ARHGAP8: variants seen among roughly 807,000 people sequenced by gnomAD.
The protein encoded by ARHGAP8 is rho GTPase-activating protein 8.
Under a neutral mutation model 46.1 loss-of-function variants are expected in ARHGAP8, and 62 were observed. That is an observed-to-expected ratio of 1.34 (90% CI 1.10 to 1.66). The LOEUF (loss-of-function observed/expected upper bound fraction) is 1.66, where lower values mean the gene tolerates loss of function less well. Ranked by LOEUF, ARHGAP8 falls within the 40% of genes most tolerant of loss-of-function variation. The pLI, the probability that ARHGAP8 is intolerant of heterozygous loss-of-function variation, is 0.00. For synonymous variants in ARHGAP8, 375 were observed against 243.1 expected (o/e 1.54, Z -5.05); for missense variants, 923 against 568.4 (o/e 1.62, Z -6.34).
At chr22:44,818,254 G>A (rs1929887773) in intron 5 of ARHGAP8, among the ~76,000 whole-genome samples, 1 of 152,074 alleles carries the variant, frequency 6.6e-6, no homozygotes, top group Non-Finnish European at 1.5e-5. Context: ...TTCGTGACAA[G>A]CCTGACCAAC....
intron 10 of ARHGAP8, among the ~76,000 whole-genome samples, chr22:44,851,225 C>T (rs1364352952): frequency 5.3e-5 from 8 of 152,248 alleles, no homozygotes; most frequent in African/African-American, 1.9e-4. Context: ...AGAGCGTAGT[C>T]ATATTAAGCA....
At chr22:44,846,691 C>T (rs1397310519) in intron 8 of ARHGAP8, among the ~76,000 whole-genome samples, 1 of 152,192 alleles carries the variant, frequency 6.6e-6, no homozygotes, top group Non-Finnish European at 1.5e-5. Flanking sequence ...GAACTGCCTT[C>T]TTCACGCCTC....
At chr22:44,804,796 A>G (rs368870820) in intron 3 of ARHGAP8, among the ~76,000 whole-genome samples, 14 of 151,926 alleles carry the variant, frequency 9.2e-5, no homozygotes, top group African/African-American at 2.4e-4. Flanking sequence ...AGTCCCCCCA[A>G]TATATGCATT....
At chr22:44,782,393 G>C (rs1480263462) in intron 1 of ARHGAP8, among the ~76,000 whole-genome samples, 1 of 152,110 alleles carries the variant, frequency 6.6e-6, no homozygotes, top group African/African-American at 2.4e-5. Context: ...ACACAATTCA[G>C]GGCTGTCGAG....
At chr22:44,858,679 G>A (rs2070318419) in intron 10 of ARHGAP8, among the ~76,000 whole-genome samples, 1 of 151,302 alleles carries the variant, frequency 6.6e-6, no homozygotes, top group Admixed American at 6.6e-5. Flanking sequence ...CTGGTTGGTG[G>A]GTTTTGACTG....
intron 7 of ARHGAP8, among the ~76,000 whole-genome samples, chr22:44,836,089 C>T (rs924291088): frequency 3.9e-5 from 6 of 152,148 alleles, no homozygotes; most frequent in Non-Finnish European, 8.8e-5. Flanking sequence ...GTTTCTCATT[C>T]CCCATCTGCC....
At chr22:44,858,634 G>T (rs550234647) in intron 10 of ARHGAP8, among the ~76,000 whole-genome samples, 2 of 146,066 alleles carry the variant, frequency 1.4e-5, no homozygotes, top group African/African-American at 5.1e-5. Context: ...GCCTCCCAAA[G>T]TGTTGGGATT....
At chr22:44,815,493 C>T (rs895752874) in intron 5 of ARHGAP8, among the ~76,000 whole-genome samples, 3 of 152,114 alleles carry the variant, frequency 2.0e-5, no homozygotes, top group Admixed American at 6.5e-5. Flanking sequence ...CAGGCCGACT[C>T]TCCCAGGAGC....
chr22:44,782,292 G>T (rs1055324419), intron 1 of ARHGAP8, among the ~76,000 whole-genome samples: 2 of 152,236 alleles, frequency 1.3e-5, no homozygotes, highest in East Asian at 3.9e-4. Context: ...AGCCAAGATC[G>T]CACCAGTGCA....
chr22:44,786,461 G>A lies in ARHGAP8; in HGVS notation c.-67G>A, dbSNP rs1010549909. Reference sequence around the variant, plus strand: ...CTTTAATCTTCTTTGCCGCAGAGCTGCAGAGAGACAAGGCGGCGGCGGCTG... The same window carrying A: ...CTTTAATCTTCTTTGCCGCAGAGCTACAGAGAGACAAGGCGGCGGCGGCTG... On this transcript the variant is annotated 5_prime_UTR_variant, in exon 2 of 12. Transcript: ENST00000356099. 2 of 1,600,692 alleles carry A rather than the reference G, an allele frequency of 1.2e-6. No homozygotes were observed. The highest frequency in any genetic ancestry group is 1.7e-6 in the Non-Finnish European group (2 of 1,173,924).
chr22:44,797,963 G>A (rs895261519), intron 2 of ARHGAP8, among the ~76,000 whole-genome samples: 7 of 150,014 alleles, frequency 4.7e-5, no homozygotes, highest in Non-Finnish European at 8.9e-5. Flanking sequence ...GTGAGCCACC[G>A]CACCTGGCCA....
At chr22:44,781,837 T>C (rs1926869717) in intron 1 of ARHGAP8, among the ~76,000 whole-genome samples, 1 of 152,026 alleles carries the variant, frequency 6.6e-6, no homozygotes, top group African/African-American at 2.4e-5. Flanking sequence ...TTTTATTTAT[T>C]TTTATTTTAT....
intron 1 of ARHGAP8, among the ~76,000 whole-genome samples, chr22:44,767,223 C>T (rs1925639971): frequency 6.6e-6 from 1 of 152,176 alleles, no homozygotes; most frequent in Non-Finnish European, 1.5e-5. Context: ...TCCCTCCCTC[C>T]TTCCCGCTTT....
chr22:44,854,085 T>A, intron 10 of ARHGAP8, among the ~76,000 whole-genome samples: 1 of 143,222 alleles, frequency 7.0e-6, no homozygotes, highest in Admixed American at 7.1e-5. Flanking sequence ...GCCTGCAGTA[T>A]CTGTAGATTT....
At chr22:44,818,716 T>TTTC (rs1929928486) in intron 5 of ARHGAP8, among the ~76,000 whole-genome samples, 1 of 152,186 alleles carries the variant, frequency 6.6e-6, no homozygotes, top group African/African-American at 2.4e-5. Flanking sequence ...TCTTTTTTTT[T>TTTC]CATAGGTTCT....
intron 2 of ARHGAP8, among the ~76,000 whole-genome samples, chr22:44,800,561 G>C (rs1252078620): frequency 0.01 from 1,186 of 116,572 alleles, 46 homozygotes; most frequent in African/African-American, 0.041. Context: ...TGTGTGGGGG[G>C]CGCCCCTCCC....
rs577204298 is a variant in ARHGAP8, at chr22:44,768,544, C to T, written c.-72+15917C>T. ...CTGGTCTCTAACTCCTGGGGTCCAGCACTTCTCCCGCCTCAGCCTCCCAAA... is the reference window on the plus strand; with the variant it reads ...CTGGTCTCTAACTCCTGGGGTCCAGTACTTCTCCCGCCTCAGCCTCCCAAA... On this transcript the variant is annotated intron_variant, in intron 1 of 11. Transcript: ENST00000356099. Among the ~76,000 whole-genome samples, 3 of 149,992 alleles carry T rather than the reference C, an allele frequency of 2.0e-5. No homozygotes were observed. In the South Asian group the frequency reaches 6.4e-4, roughly 32 times the overall value.
At chr22:44,802,442 A>G (rs2147081355) in intron 3 of ARHGAP8, among the ~76,000 whole-genome samples, 1 of 152,184 alleles carries the variant, frequency 6.6e-6, no homozygotes, top group East Asian at 1.9e-4. Context: ...GGAGTTGGGG[A>G]CAGTCCCCTG....
At chr22:44,819,832 G>A (rs1164372390) in intron 5 of ARHGAP8, among the ~76,000 whole-genome samples, 7 of 152,244 alleles carry the variant, frequency 4.6e-5, no homozygotes, top group South Asian at 2.1e-4. Flanking sequence ...GAGAGGTTAC[G>A]CCCAAGTCGC....
Sources: allele counts gnomAD v4.1 joint callset (sites outside exome capture counted in the v4.1 genomes callset), GRCh38; gene constraint gnomAD v4.1.1; transcripts MANE v1.5; gene names NCBI Gene and HGNC (gene_info 2026-07-23, HGNC 2026-07-21).